Variants in USP25 observed in about 807,000 individuals in gnomAD.
USP25 encodes the protein ubiquitin specific peptidase 25, also known as ubiquitin carboxyl-terminal hydrolase 25.
USP25 carries 85 observed loss-of-function variants against 158.5 expected under a neutral mutation model. The observed-to-expected ratio is 0.54, with a 90% CI of 0.45 to 0.64. USP25 has a LOEUF of 0.64. USP25 is among the 30% of genes least tolerant of loss of function. USP25 has a pLI of 0.00. For synonymous variants in USP25, 464 were observed against 460.4 expected, an observed-to-expected ratio of 1.01 and a Z score of -0.10; for missense variants, 1,242 against 1,327.3, an observed-to-expected ratio of 0.94 and a Z score of 1.00.
chr21:15,754,961 G>A (rs566369976), intron 1 of USP25, among the ~76,000 whole-genome samples: 1 of 152,324 alleles, frequency 6.6e-6, no homozygotes, highest in Admixed American at 6.5e-5. Context: ...GAGAACATGA[G>A]CTAGAGCAGT....
At chr21:15,778,108 G>A in intron 4 of USP25, 81 bp downstream of exon 4, 1 of 1,304,092 alleles carries the variant, frequency 7.7e-7, no homozygotes, top group East Asian at 2.7e-5. Context: ...AATTTTAAGA[G>A]GTAATAAGAT....
chr21:15,826,576 A>T lies in USP25; in HGVS notation c.1466+211A>T, dbSNP rs1471712818. On this transcript the variant is annotated intron_variant, in intron 13 of 25. Coordinates refer to ENST00000400183, the MANE Select transcript of USP25 (RefSeq NM_001283041.3). The surrounding 1 kb of genome is among the most constrained non-coding windows in gnomAD (Gnocchi z 4.8). Reference sequence around the variant, plus strand: ...GGTTATGGATTAAAATTTTAATCACATTTTTTTTCAGTTCAGAATTATACT... The same window carrying T: ...GGTTATGGATTAAAATTTTAATCACTTTTTTTTTCAGTTCAGAATTATACT... 2.0e-5 allele frequency among the ~76,000 whole-genome samples: 3 copies of T among 150,228 alleles called. No individual in the cohort carries two copies. Among genetic ancestry groups the T allele is most frequent in the Non-Finnish European group, 4.4e-5 (3 of 67,926 alleles).
chr21:15,789,317 C>G (rs1435089088), intron 4 of USP25, among the ~76,000 whole-genome samples: 3 of 151,988 alleles, frequency 2.0e-5, no homozygotes, highest in African/African-American at 7.2e-5. Context: ...TAGCCCAGAT[C>G]TGGAATGTGA....
In USP25 at chr21:15,766,363, T is replaced by C. The variant is rs545339098; in HGVS notation, c.268+222T>C. ...ATAGTTTTTCATAGAGCATTTCATA[T>C]AGAATTTATTGTTTTGAAATATGGA... On this transcript the variant is annotated intron_variant, in intron 3 of 25. Coordinates refer to ENST00000400183, the MANE Select transcript of USP25 (RefSeq NM_001283041.3). This position sits in a 1 kb window ranked among gnomAD's most constrained non-coding sequence, Gnocchi z 4.0. Among the ~76,000 whole-genome samples the C allele has an allele frequency of 4.6e-5, 7 of 152,186 alleles. No individual in the cohort carries two copies. The South Asian group carries it at 1.2e-3, about 27-fold the overall frequency.
intron 2 of USP25, among the ~76,000 whole-genome samples, chr21:15,765,470 TC>T (rs2033985962): frequency 2.6e-5 from 4 of 151,696 alleles, no homozygotes; most frequent in Admixed American, 2.6e-4. Context: ...TGTCTAGAGT[TC>T]TGTGTGTCTT....
intron 4 of USP25, among the ~76,000 whole-genome samples, chr21:15,785,567 C>T (rs1366966944): frequency 6.6e-6 from 1 of 152,144 alleles, no homozygotes; most frequent in South Asian, 2.1e-4. Context: ...ACCTTAATAA[C>T]CAATGGGTCA....
chr21:15,821,094 C>T (rs2037211121), intron 10 of USP25, among the ~76,000 whole-genome samples: 1 of 151,910 alleles, frequency 6.6e-6, no homozygotes, highest in Admixed American at 6.6e-5. Flanking sequence ...AAAAAAATTT[C>T]AGATAGTAAA....
At chr21:15,860,975 T>TAGAG (rs1555862138) in intron 20 of USP25, among the ~76,000 whole-genome samples, 199 of 140,644 alleles carry the variant, frequency 1.4e-3, no homozygotes, top group South Asian at 3.7e-3. Context: ...TATATATATA[T>TAGAG]AGAGAGAGAG....
intron 18 of USP25, 110 bp downstream of exon 18, chr21:15,842,650 G>T: frequency 7.3e-7 from 1 of 1,360,544 alleles, no homozygotes; most frequent in Non-Finnish European, 1.0e-6. Context: ...CCCAGTGATG[G>T]CTCTGCCATG....
intron 18 of USP25, among the ~76,000 whole-genome samples, chr21:15,846,301 T>C (rs1380418156): frequency 1.3e-5 from 2 of 150,434 alleles, no homozygotes; most frequent in Non-Finnish European, 3.0e-5. Context: ...TAGCTGGGAT[T>C]ACAGGCATGT....
Position 15,793,021 on chromosome 21 carries a change from GCTAT to G in USP25, c.555+1362_555+1365del, listed in dbSNP as rs144414222. Among the ~76,000 whole-genome samples the G allele has an allele frequency of 3.0e-3, 454 of 151,478 alleles. 1 individual carries two copies. Among genetic ancestry groups the G allele is most frequent in the Middle Eastern group, 0.017 (5 of 292 alleles). ...TAATAGGCTATCTCACTTTACTTGCGCTATCTATTAAGAAGGTTTGTGCATATGA... is the reference window on the plus strand; with the variant it reads ...TAATAGGCTATCTCACTTTACTTGCGCTATTAAGAAGGTTTGTGCATATGA... On this transcript the variant is annotated intron_variant, in intron 5 of 25. Coordinates refer to ENST00000400183, the MANE Select transcript of USP25 (RefSeq NM_001283041.3).
chr21:15,817,969 A>G (rs1190632029), intron 9 of USP25, among the ~76,000 whole-genome samples: 1 of 152,186 alleles, frequency 6.6e-6, no homozygotes, highest in Non-Finnish European at 1.5e-5. Flanking sequence ...ATTTTAACTC[A>G]CTGCCTGACT....
chr21:15,737,338 T>G (rs556439273), intron 1 of USP25, among the ~76,000 whole-genome samples: 20 of 152,302 alleles, frequency 1.3e-4, no homozygotes, highest in African/African-American at 4.8e-4. Flanking sequence ...TACACATAAT[T>G]GAATTAATTT....
At chr21:15,762,544 C>T (rs973327134) in intron 1 of USP25, among the ~76,000 whole-genome samples, 4 of 152,090 alleles carry the variant, frequency 2.6e-5, no homozygotes, top group Non-Finnish European at 4.4e-5. Context: ...TGTTTCTCTC[C>T]TTGTGCTTAC....
intron 3 of USP25, among the ~76,000 whole-genome samples, chr21:15,771,594 T>C (rs1457229000): frequency 6.6e-6 from 1 of 152,122 alleles, no homozygotes; most frequent in Non-Finnish European, 1.5e-5. Context: ...TCGTTTCTGA[T>C]CTCTTGCTGC....
chr21:15,755,226 G>A lies in USP25; in HGVS notation c.46-7665G>A, dbSNP rs575213833. 1.4e-4 allele frequency among the ~76,000 whole-genome samples: 21 copies of A among 151,170 alleles called. No individual in the cohort carries two copies. The South Asian group carries it at 4.0e-3, about 28-fold the overall frequency. ...GGTCATTCTAAGAGTTGCGCCCCCC[G>A]CCTTACACCTATCCCCAAGGATGGA... is the stretch of plus-strand genomic sequence containing the variant. On this transcript the variant is annotated intron_variant, in intron 1 of 25. Coordinates refer to ENST00000400183, the MANE Select transcript of USP25 (RefSeq NM_001283041.3).
intron 1 of USP25, among the ~76,000 whole-genome samples, chr21:15,743,702 G>A (rs1321130438): frequency 6.6e-6 from 1 of 152,170 alleles, no homozygotes; most frequent in Non-Finnish European, 1.5e-5. Context: ...GCTTTAAACT[G>A]TCTTTGGTTT....
At chr21:15,852,901 A>T (rs1032774900) in intron 20 of USP25, among the ~76,000 whole-genome samples, 10 of 152,170 alleles carry the variant, frequency 6.6e-5, no homozygotes, top group African/African-American at 2.4e-4. Context: ...TTTCTAATTA[A>T]TGCATGTTTT....
At chr21:15,846,140 A>G (rs1456785751) in intron 18 of USP25, among the ~76,000 whole-genome samples, 3 of 52,972 alleles carry the variant, frequency 5.7e-5, no homozygotes, top group African/African-American at 2.3e-4. Context: ...ATATATATAT[A>G]TATATATATA....
Sources: gnomAD v4.1 joint callset for allele counts (sites outside exome capture counted in the v4.1 genomes callset) on GRCh38, gnomAD v4.1.1 for gene constraint, Gnocchi (gnomAD v3.1) non-coding constraint, MANE v1.5 for transcripts, NCBI Gene and HGNC (gene_info 2026-07-23, HGNC 2026-07-21) for gene names.